GPC6: variants seen among roughly 807,000 people sequenced by gnomAD.
GPC6 encodes the protein glypican-6.
Under a neutral mutation model 55.2 loss-of-function variants are expected in GPC6, and 14 were observed. The ratio of observed to expected loss-of-function variants is 0.25; its 90% confidence interval spans 0.17 to 0.40. The LOEUF (loss-of-function observed/expected upper bound fraction) is 0.40, where lower values mean the gene tolerates loss of function less well. GPC6 is among the 10% of genes least tolerant of loss of function. GPC6 has a pLI of 1.00. For missense variants in GPC6, 641 were observed against 708.5 expected, an observed-to-expected ratio of 0.90 and a Z score of 1.08; for synonymous variants, 278 against 259.6, an observed-to-expected ratio of 1.07 and a Z score of -0.68.
At chr13:93,563,755 G>T (rs1381819478) in intron 2 of GPC6, among the ~76,000 whole-genome samples, 1 of 135,474 alleles carries the variant, frequency 7.4e-6, no homozygotes. Flanking sequence ...GTCTGAGAAT[G>T]AAAGAAAAAA....
chr13:93,743,843 G>A (rs747567772), intron 2 of GPC6, among the ~76,000 whole-genome samples: 1 of 152,056 alleles, frequency 6.6e-6, no homozygotes, highest in African/African-American at 2.4e-5. Flanking sequence ...TTGTGTGTAT[G>A]GTGAGTTTAC....
intron 4 of GPC6, among the ~76,000 whole-genome samples, chr13:94,063,094 C>T (rs918798616): frequency 1.3e-5 from 2 of 152,190 alleles, no homozygotes; most frequent in African/African-American, 4.8e-5. Context: ...TAATTGGTCA[C>T]TCCAGAGATG....
intron 1 of GPC6, among the ~76,000 whole-genome samples, chr13:93,527,251 A>G (rs1160440578): frequency 6.6e-6 from 1 of 152,130 alleles, no homozygotes; most frequent in African/African-American, 2.4e-5. Context: ...CATCTATCTC[A>G]GCAAATTTCC....
intron 1 of GPC6, among the ~76,000 whole-genome samples, chr13:93,391,188 A>G (rs943927868): frequency 1.3e-5 from 2 of 151,972 alleles, no homozygotes; most frequent in Non-Finnish European, 2.9e-5. Flanking sequence ...GAGCAGTGTA[A>G]TTTAGAGCCA....
chr13:94,364,680 C>T (rs9589972), intron 6 of GPC6, among the ~76,000 whole-genome samples: 24,591 of 152,044 alleles, frequency 0.16, 2,703 homozygotes, highest in East Asian at 0.32. Context: ...GACCACGTCC[C>T]TTAAATCACT....
At chr13:93,510,987 G>GTATATATATGTGTA in intron 1 of GPC6, among the ~76,000 whole-genome samples, 1 of 19,644 alleles carries the variant, frequency 5.1e-5, no homozygotes, top group South Asian at 2.0e-3. Context: ...ATATATATGT[G>GTATATATATGTGTA]TATATATATA....
At chr13:94,209,309 T>C (rs1419253265) in intron 4 of GPC6, among the ~76,000 whole-genome samples, 1 of 152,194 alleles carries the variant, frequency 6.6e-6, no homozygotes, top group Non-Finnish European at 1.5e-5. Context: ...GTTGTTAGAG[T>C]GAGCATTATT....
chr13:93,625,252 C>T (rs1879153827), intron 2 of GPC6, among the ~76,000 whole-genome samples: 1 of 152,054 alleles, frequency 6.6e-6, no homozygotes, highest in South Asian at 2.1e-4. Flanking sequence ...TAATCTTCTG[C>T]CCTTTATTTT....
At chr13:93,248,064 A>G (rs1341654184) in intron 1 of GPC6, among the ~76,000 whole-genome samples, 2 of 152,240 alleles carry the variant, frequency 1.3e-5, no homozygotes, top group African/African-American at 4.8e-5. Flanking sequence ...AAGAAGTTAT[A>G]TGTATACACA....
At chr13:93,546,311 C>A (rs913276245) in intron 2 of GPC6, among the ~76,000 whole-genome samples, 3 of 152,272 alleles carry the variant, frequency 2.0e-5, no homozygotes, top group Admixed American at 2.0e-4. Flanking sequence ...CACAGCAGAG[C>A]CAGTTTAGGA....
chr13:94,141,752 T>A (rs1887385777), intron 4 of GPC6, among the ~76,000 whole-genome samples: 1 of 152,236 alleles, frequency 6.6e-6, no homozygotes, highest in African/African-American at 2.4e-5. Flanking sequence ...GAATTTTTTT[T>A]AACAATGATC....
chr13:94,119,178 A>T (rs748928975), intron 4 of GPC6, among the ~76,000 whole-genome samples: 1 of 152,116 alleles, frequency 6.6e-6, no homozygotes, highest in Non-Finnish European at 1.5e-5. Flanking sequence ...TATGCAAGCC[A>T]CTATTCCAGG....
chr13:94,160,362 T>C (rs536978654), intron 4 of GPC6, among the ~76,000 whole-genome samples: 62 of 152,352 alleles, frequency 4.1e-4, no homozygotes, highest in African/African-American at 1.4e-3. Flanking sequence ...GATTACTATA[T>C]GTATCTTATG....
intron 1 of GPC6, chr13:93,450,855 A>C (rs1280403391): frequency 4.7e-6 from 1 of 212,550 alleles, no homozygotes; most frequent in Admixed American, 6.5e-5. Context: ...CATACATAGA[A>C]GAGTTAATAT....
At chr13:93,416,694 A>C (rs990293332) in intron 1 of GPC6, among the ~76,000 whole-genome samples, 1 of 151,984 alleles carries the variant, frequency 6.6e-6, no homozygotes, top group African/African-American at 2.4e-5. Context: ...CTCCCACATC[A>C]ACCCTCCACT....
chr13:93,585,792 C>A (rs1425899055), intron 2 of GPC6, among the ~76,000 whole-genome samples: 2 of 152,148 alleles, frequency 1.3e-5, no homozygotes, highest in Non-Finnish European at 2.9e-5. Flanking sequence ...AGCCAATGCA[C>A]ACTAGGCCTA....
chr13:93,969,622 G>A (rs1350775728), intron 3 of GPC6, among the ~76,000 whole-genome samples: 3 of 152,032 alleles, frequency 2.0e-5, no homozygotes, highest in Non-Finnish European at 2.9e-5. Flanking sequence ...TTAAGATTGA[G>A]GTAAGATATA....
chr13:94,335,630 TAACA>T (rs1346954789), intron 6 of GPC6, among the ~76,000 whole-genome samples: 5 of 152,300 alleles, frequency 3.3e-5, no homozygotes, highest in East Asian at 1.9e-4. Context: ...AATCAGGATC[TAACA>T]AACAGTGGGT....
intron 4 of GPC6, among the ~76,000 whole-genome samples, chr13:94,274,992 G>C (rs1386220896): frequency 6.6e-6 from 1 of 152,176 alleles, no homozygotes; most frequent in Non-Finnish European, 1.5e-5. Flanking sequence ...TGGTGTTCAT[G>C]GCAGGAGAGT....
Sources: gnomAD v4.1 joint callset for allele counts (sites outside exome capture counted in the v4.1 genomes callset) on GRCh38, gnomAD v4.1.1 for gene constraint, MANE v1.5 for transcripts, NCBI Gene and HGNC (gene_info 2026-07-23, HGNC 2026-07-21) for gene names.